KLF12: variants seen among roughly 807,000 people sequenced by gnomAD.
The protein encoded by KLF12 is KLF transcription factor 12.
In KLF12, 9 loss-of-function variants were observed where a neutral mutation model predicts 37.8. The ratio of observed to expected loss-of-function variants is 0.24; its 90% CI spans 0.14 to 0.42. KLF12 has a LOEUF of 0.42. Ranked by LOEUF, KLF12 falls within the 10% of genes least tolerant of loss-of-function variation. KLF12 has a pLI of 1.00. For missense variants in KLF12, 411 were observed against 516.0 expected (o/e 0.80, Z 1.97); for synonymous variants, 208 against 202.1 (o/e 1.03, Z -0.25).
chr13:73,916,366 G>C (rs1375600753), intron 3 of KLF12, among the ~76,000 whole-genome samples: 1 of 152,092 alleles, frequency 6.6e-6, no homozygotes, highest in African/African-American at 2.4e-5. Context: ...TTGAATTCCA[G>C]AACTGGGATA....
At position 73,890,488 on chromosome 13, in the gene KLF12, A is replaced by G. The variant is rs575175137; in HGVS notation, c.124-44115T>C. 1.8e-3 allele frequency among the ~76,000 whole-genome samples: 275 copies of G among 152,274 alleles called. 1 individual carries two copies. The highest frequency in any genetic ancestry group is 6.5e-3 in the African/African-American group (272 of 41,578). The stretch of plus-strand genomic sequence containing the variant: ...TACTTGTAAGTGGAGTTATTTTCAT[A>G]TAATTTTAAACGATAATGATTGGGG... On this transcript the variant is annotated intron_variant, in intron 3 of 7. Coordinates refer to ENST00000377669, the MANE Select transcript of KLF12 (RefSeq NM_007249.5).
At position 73,893,872 on chromosome 13, in the gene KLF12, C is replaced by T. The variant is rs78872385; in HGVS notation, c.124-47499G>A. Among the ~76,000 whole-genome samples the T allele has an allele frequency of 7.4e-3, 1,127 of 152,118 alleles. 14 individuals carry two copies. The highest frequency in any genetic ancestry group is 0.026 in the African/African-American group (1,062 of 41,486). Reference sequence around the variant, plus strand: ...GTCAAAACGGAAACAGGGAAGAAGCCAAGATTAGCAAGAGCAAATCCAAAA... The same window carrying T: ...GTCAAAACGGAAACAGGGAAGAAGCTAAGATTAGCAAGAGCAAATCCAAAA... On this transcript the variant is annotated intron_variant, in intron 3 of 7. Coordinates refer to ENST00000377669, the MANE Select transcript of KLF12 (RefSeq NM_007249.5).
rs1873588456 is a variant in KLF12, at chr13:73,687,875, G to T, written c.*7615C>A. Reference sequence around the variant, plus strand: ...TAGAGATGAAATCCAGAAAGAAAAAGTACTGAGGCGACTGTTTCCACTATT... The same window carrying T: ...TAGAGATGAAATCCAGAAAGAAAAATTACTGAGGCGACTGTTTCCACTATT... On this transcript the variant is annotated 3_prime_UTR_variant, in exon 8 of 8. Coordinates refer to ENST00000377669, the MANE Select transcript of KLF12 (RefSeq NM_007249.5). 1.3e-5 allele frequency: 2 copies of T among 152,162 alleles called. No homozygotes were observed. The highest frequency in any genetic ancestry group is 1.3e-4 in the Admixed American group (2 of 15,260). 9.4% of individuals were successfully genotyped at this position (152,162 alleles called of 1,614,324 possible). A position where few individuals can be genotyped will look rare whatever the true frequency, so the allele number is the denominator to read the frequency against.
chr13:74,060,965 G>C (rs1318169504), intron 1 of KLF12, among the ~76,000 whole-genome samples: 1 of 152,170 alleles, frequency 6.6e-6, no homozygotes, highest in Admixed American at 6.5e-5. Flanking sequence ...AGGGTGAGGG[G>C]AATAGTACCA....
chr13:74,171,937 A>G, the KLF12 span, among the ~76,000 whole-genome samples: 1 of 152,182 alleles, frequency 6.6e-6, no homozygotes, highest in South Asian at 2.1e-4. Context: ...GAAGTTGTTT[A>G]CTCTCAGAGT....
intron 1 of KLF12, among the ~76,000 whole-genome samples, chr13:74,089,863 G>GC (rs1566207066): frequency 6.7e-6 from 1 of 148,214 alleles, no homozygotes; most frequent in Non-Finnish European, 1.5e-5. Context: ...AAAGATAGAT[G>GC]CTTTACCCCT....
chr13:74,018,538 T>C (rs527706882), intron 1 of KLF12, among the ~76,000 whole-genome samples: 4 of 152,316 alleles, frequency 2.6e-5, no homozygotes, highest in Admixed American at 2.6e-4. Context: ...CTTCAAAACA[T>C]CATGTTGTAA....
intron 5 of KLF12, among the ~76,000 whole-genome samples, chr13:73,799,384 T>C (rs577858268): frequency 6.6e-6 from 1 of 152,078 alleles, no homozygotes; most frequent in Non-Finnish European, 1.5e-5. Flanking sequence ...GTAACAAACC[T>C]TCACATGTAC....
chr13:73,836,056 G>A (rs1286249722), intron 4 of KLF12, among the ~76,000 whole-genome samples: 2 of 151,950 alleles, frequency 1.3e-5, no homozygotes, highest in Non-Finnish European at 1.5e-5. Context: ...AAAAAAAGGT[G>A]AAGCTGCTTG....
intron 5 of KLF12, among the ~76,000 whole-genome samples, chr13:73,797,645 C>T (rs1018243686): frequency 3.3e-5 from 5 of 151,772 alleles, no homozygotes; most frequent in Admixed American, 3.3e-4. Context: ...TGACATGCAC[C>T]TGTAATTCTA....
the KLF12 span, among the ~76,000 whole-genome samples, chr13:74,183,607 A>G: frequency 6.6e-6 from 1 of 152,168 alleles, no homozygotes; most frequent in Non-Finnish European, 1.5e-5. Flanking sequence ...AAATAAAAAA[A>G]AATCCACCAA....
the KLF12 span, among the ~76,000 whole-genome samples, chr13:74,140,489 G>GA: frequency 6.6e-6 from 1 of 152,208 alleles, no homozygotes; most frequent in East Asian, 1.9e-4. Context: ...GTCTCTAAGG[G>GA]AAAAAAAGCA....
chr13:73,721,095 C>T (rs978628163), intron 6 of KLF12, among the ~76,000 whole-genome samples: 1 of 152,146 alleles, frequency 6.6e-6, no homozygotes, highest in Non-Finnish European at 1.5e-5. Flanking sequence ...GACCTAAATG[C>T]CTTAAGCTTC....
the KLF12 span, among the ~76,000 whole-genome samples, chr13:74,215,132 C>T: frequency 2.6e-5 from 4 of 151,952 alleles, no homozygotes; most frequent in Non-Finnish European, 4.4e-5. Context: ...TCTTTTTTCT[C>T]CACTGTATTC....
At chr13:73,776,958 A>G (rs1880645443) in intron 5 of KLF12, among the ~76,000 whole-genome samples, 1 of 152,222 alleles carries the variant, frequency 6.6e-6, no homozygotes, top group Admixed American at 6.5e-5. Context: ...CAACAGTCCA[A>G]TTGGGGAAGT....
At chr13:73,936,978 T>G (rs1889963039) in intron 3 of KLF12, among the ~76,000 whole-genome samples, 1 of 152,014 alleles carries the variant, frequency 6.6e-6, no homozygotes, top group Non-Finnish European at 1.5e-5. Flanking sequence ...GATCACGAGG[T>G]CAGAAGATCG....
At chr13:73,909,326 T>C (rs73524876) in intron 3 of KLF12, among the ~76,000 whole-genome samples, 7,423 of 152,246 alleles carry the variant, frequency 0.049, 419 homozygotes, top group African/African-American at 0.14. Context: ...AAGTTTTTGC[T>C]TCCTCATATA....
chr13:74,012,483 C>T (rs1892576880), intron 1 of KLF12, among the ~76,000 whole-genome samples: 1 of 152,152 alleles, frequency 6.6e-6, no homozygotes, highest in African/African-American at 2.4e-5. Context: ...TATATCACAT[C>T]CCTGCTACAT....
intron 6 of KLF12, among the ~76,000 whole-genome samples, chr13:73,763,730 C>A (rs1389332365): frequency 2.0e-5 from 3 of 152,102 alleles, no homozygotes; most frequent in African/African-American, 7.2e-5. Flanking sequence ...CAAGAACAGA[C>A]CTGATTTGTC....
Sources: gnomAD v4.1 joint callset for allele counts (sites outside exome capture counted in the v4.1 genomes callset) on GRCh38, gnomAD v4.1.1 for gene constraint, MANE v1.5 for transcripts, NCBI Gene and HGNC (gene_info 2026-07-23, HGNC 2026-07-21) for gene names.